The following SKA3 variants were observed in gnomAD, a reference collection of about 807,000 sequenced individuals.
SKA3 encodes the protein spindle and kinetochore associated complex subunit 3, also known as spindle and kinetochore-associated protein 3.
Under a neutral mutation model 44.2 loss-of-function variants are expected in SKA3, and 39 were observed. That is an observed-to-expected ratio of 0.88 (90% CI 0.68 to 1.15). SKA3 has a LOEUF of 1.15. SKA3 is among the 50% of genes most tolerant of loss of function. SKA3 has a pLI of 0.00. For synonymous variants in SKA3, 192 were observed against 172.0 expected, an observed-to-expected ratio of 1.12 and a Z score of -0.91; for missense variants, 511 against 485.8, an observed-to-expected ratio of 1.05 and a Z score of -0.49.
Position 21,155,094 on chromosome 13 carries a change from G to T in SKA3, c.*56C>A, listed in dbSNP as rs749035198. 2.5e-5 allele frequency: 41 copies of T among 1,609,618 alleles called. No homozygotes were observed. The highest frequency in any genetic ancestry group is 1.8e-5 in the Non-Finnish European group (21 of 1,177,458). On this transcript the variant is annotated 3_prime_UTR_variant, in exon 9 of 9. Transcript: ENST00000314759. ...CAATGTGAATGTTAAAATCGGTCCA[G>T]CTCGGCTTTCATCTCATTTTGTTCA...
intron 1 of SKA3, among the ~76,000 whole-genome samples, chr13:21,173,472 G>C (rs1871200641): frequency 6.6e-6 from 1 of 152,134 alleles, no homozygotes; most frequent in Admixed American, 6.6e-5. Context: ...GGTGAGGCTG[G>C]TCTTGAACTC....
chr13:21,155,326 T>C (rs1870051010), intron 8 of SKA3, among the ~76,000 whole-genome samples, 176 bp from the exon 9 acceptor site: 2 of 152,128 alleles, frequency 1.3e-5, no homozygotes, highest in South Asian at 4.1e-4. Flanking sequence ...ACAAGTTCTA[T>C]ATCAAAAGAT....
At chr13:21,161,755 A>G in intron 5 of SKA3, 35 bp downstream of exon 5, 1 of 1,121,000 alleles carries the variant, frequency 8.9e-7, no homozygotes. Flanking sequence ...TTTGGGAAAA[A>G]TGTTCCTGAG....
At chr13:21,168,518 A>G in intron 3 of SKA3, 119 bp from the exon 4 acceptor site, 1 of 874,432 alleles carries the variant, frequency 1.1e-6, no homozygotes, top group South Asian at 1.8e-5. Flanking sequence ...CCAATTGTCT[A>G]AACATTTTAT....
rs991251053 is a variant in SKA3 at position 21,154,947 on chromosome 13, G to A, written c.*203C>T. 2 of 790,922 alleles carry A rather than the reference G, an allele frequency of 2.5e-6. No homozygotes were observed. The highest frequency in any genetic ancestry group is 3.6e-5 in the African/African-American group (2 of 56,090). The allele number at this position is 790,922 out of a possible 1,614,324, so 49.0% of individuals were successfully genotyped here. ...ATAATCCTTAAAGAGTGAATGACTG[G>A]GCTACATGTCAACAAGACTAAGGTT... On this transcript the variant is annotated 3_prime_UTR_variant, in exon 9 of 9. Coordinates refer to ENST00000314759, the MANE Select transcript of SKA3 (RefSeq NM_145061.6).
rs1183460855 is a variant in SKA3, at chr13:21,157,957, G to T, written c.1084C>A (p.Pro362Thr). ...YENLLRTPTP[P>T]EVTKIPEDIL... The stretch of plus-strand genomic sequence containing the variant: ...TCTTCTGGAATTTTAGTTACTTCCG[G>T]AGGTGTAGGTGTTCTGAGCAGATTC... Residue 362 changes from proline to threonine, a missense_variant, in exon 7 of 9, where the codon CCG becomes ACG. Pro to Thr is a conservative substitution (Grantham distance 38, BLOSUM62 -1). Coordinates refer to ENST00000314759, the MANE Select transcript of SKA3 (RefSeq NM_145061.6). The T allele has an allele frequency of 6.2e-7, 1 of 1,611,548 alleles. No homozygotes were observed. The highest frequency in any genetic ancestry group is 2.2e-5 in the East Asian group (1 of 44,810).
At position 21,155,000 on chromosome 13, in the gene SKA3, A is replaced by G. The variant is rs1000202391; in HGVS notation, c.*150T>C. On this transcript the variant is annotated 3_prime_UTR_variant, in exon 9 of 9. Transcript: ENST00000314759. The stretch of plus-strand genomic sequence containing the variant: ...ACCTTATTGAAACTTCATAAAAAGC[A>G]TATTATGATGTTAATGTTCATGTTT... 2.4e-6 allele frequency: 3 copies of G among 1,271,536 alleles called. No individual in the cohort carries two copies. The highest frequency in any genetic ancestry group is 1.3e-5 in the South Asian group (1 of 77,328). 78.8% of individuals were successfully genotyped at this position (1,271,536 alleles called of 1,614,324 possible). A position where few individuals can be genotyped will look rare whatever the true frequency, so the allele number is the denominator to read the frequency against.
chr13:21,173,655 T>A (rs1433083217), intron 1 of SKA3, among the ~76,000 whole-genome samples: 1 of 152,234 alleles, frequency 6.6e-6, no homozygotes, highest in Non-Finnish European at 1.5e-5. Context: ...CTGGCTTCTT[T>A]CACTCAACTG....
At chr13:21,173,856 G>C (rs965121074) in intron 1 of SKA3, among the ~76,000 whole-genome samples, 11 of 152,136 alleles carry the variant, frequency 7.2e-5, no homozygotes, top group Admixed American at 7.2e-4. Flanking sequence ...ATTTCTGTAT[G>C]TTAAGAGACT....
intron 4 of SKA3, among the ~76,000 whole-genome samples, chr13:21,163,196 CT>C (rs1473046235): frequency 8.1e-6 from 1 of 123,422 alleles, no homozygotes; most frequent in Admixed American, 1.0e-4. Context: ...GACCCTGTCT[CT>C]AAAAATAAAA....
intron 4 of SKA3, among the ~76,000 whole-genome samples, chr13:21,165,661 G>A (rs145251033): frequency 1.3e-5 from 2 of 152,166 alleles, no homozygotes; most frequent in African/African-American, 2.4e-5. Context: ...TAGGCTGGGC[G>A]TGGTAGCTCA....
intron 1 of SKA3, among the ~76,000 whole-genome samples, chr13:21,174,317 T>C (rs113405707): frequency 1.1e-4 from 17 of 152,150 alleles, no homozygotes; most frequent in Non-Finnish European, 2.1e-4. Flanking sequence ...CTATTCACAA[T>C]AGCAAAGACT....
chr13:21,166,163 G>A (rs1479945006), intron 4 of SKA3, among the ~76,000 whole-genome samples: 3 of 151,744 alleles, frequency 2.0e-5, no homozygotes, highest in East Asian at 3.9e-4. Flanking sequence ...GATTATAGGC[G>A]CCCTCCACCA....
At chr13:21,168,936 A>T (rs1391918905) in intron 3 of SKA3, among the ~76,000 whole-genome samples, 1 of 152,244 alleles carries the variant, frequency 6.6e-6, no homozygotes, top group Admixed American at 6.5e-5. Context: ...TAAAAGTGTT[A>T]TAAGATGAAA....
Position 21,156,932 on chromosome 13 carries a change from C to T in SKA3, c.1119+990G>A, listed in dbSNP as rs1257975312. Among the ~76,000 whole-genome samples, 2 of 32,870 alleles carry T rather than the reference C, an allele frequency of 6.1e-5. 1 individual carries two copies. Among genetic ancestry groups the T allele is most frequent in the African/African-American group, 1.5e-4 (2 of 13,512 alleles). 21.6% of individuals were successfully genotyped at this position (32,870 alleles called of 152,430 possible). ...AAAATTAGCCGGGCGCGGTGGCGGG[C>T]GCCTGTAGTCCCAGCTACTCGGGAG... is the stretch of plus-strand genomic sequence containing the variant. On this transcript the variant is annotated intron_variant, in intron 7 of 8. Coordinates refer to ENST00000314759, the MANE Select transcript of SKA3 (RefSeq NM_145061.6).
At chr13:21,171,614 T>C (rs1397738245) in intron 3 of SKA3, among the ~76,000 whole-genome samples, 1 of 151,772 alleles carries the variant, frequency 6.6e-6, no homozygotes, top group Non-Finnish European at 1.5e-5. Flanking sequence ...TTCAGAGGTA[T>C]GGGCATAACA....
intron 7 of SKA3, among the ~76,000 whole-genome samples, chr13:21,156,136 GAGATCATGT>G (rs1870108528): frequency 6.9e-6 from 1 of 145,854 alleles, no homozygotes; most frequent in Non-Finnish European, 1.5e-5. Flanking sequence ...GCAGTGAGCT[GAGATCATGT>G]CACTGCACTC....
intron 7 of SKA3, among the ~76,000 whole-genome samples, chr13:21,156,675 C>G (rs1397592055): frequency 1.3e-5 from 2 of 152,164 alleles, no homozygotes; most frequent in African/African-American, 4.8e-5. Context: ...TAGCATGAGT[C>G]AGTTCTAATG....
At position 21,167,505 on chromosome 13, in the gene SKA3, G is replaced by A. The variant is rs752254825; in HGVS notation, c.743+483C>T. ...TTATTGGCCGGGCGCGGTGGCTCAC[G>A]CCTGTAATCCCAGCACTTTGGGAGG... On this transcript the variant is annotated intron_variant, in intron 4 of 8. Coordinates refer to ENST00000314759, the MANE Select transcript of SKA3 (RefSeq NM_145061.6). 5.3e-5 allele frequency among the ~76,000 whole-genome samples: 8 copies of A among 152,034 alleles called. No individual in the cohort carries two copies. In the South Asian group the frequency reaches 8.3e-4, roughly 16 times the overall value.
Sources: allele counts gnomAD v4.1 joint callset (sites outside exome capture counted in the v4.1 genomes callset), GRCh38; gene constraint gnomAD v4.1.1; transcripts MANE v1.5; gene names NCBI Gene and HGNC (gene_info 2026-07-23, HGNC 2026-07-21).